Variants in FER observed in about 807,000 individuals in gnomAD.
FER encodes the protein FER tyrosine kinase.
Under a neutral mutation model 111.0 loss-of-function variants are expected in FER, and 63 were observed. The ratio of observed to expected loss-of-function variants is 0.57; its 90% CI spans 0.46 to 0.70. The LOEUF (loss-of-function observed/expected upper bound fraction) is 0.70, where lower values mean the gene tolerates loss of function less well. Ranked by LOEUF, FER falls within the 30% of genes least tolerant of loss-of-function variation. The probability of loss-of-function intolerance (pLI) is 0.00; values close to 1 mark genes in which losing one functional copy is unlikely to be tolerated. For synonymous variants in FER, 327 were observed against 313.9 expected, an observed-to-expected ratio of 1.04 and a Z score of -0.44; for missense variants, 914 against 954.0, an observed-to-expected ratio of 0.96 and a Z score of 0.55.
At chr5:108,863,495 A>AAAATGCTAT (rs1763735537) in intron 5 of FER, among the ~76,000 whole-genome samples, 1 of 152,224 alleles carries the variant, frequency 6.6e-6, no homozygotes, top group Admixed American at 6.5e-5. Flanking sequence ...TTCATGGATA[A>AAAATGCTAT]AAATGCTATT....
At chr5:108,958,376 A>C (rs1450865412) in intron 12 of FER, among the ~76,000 whole-genome samples, 1 of 151,778 alleles carries the variant, frequency 6.6e-6, no homozygotes, top group Non-Finnish European at 1.5e-5. Flanking sequence ...GAGAACTAGC[A>C]GTTGGAAGCT....
intron 5 of FER, among the ~76,000 whole-genome samples, chr5:108,848,601 C>T (rs1762251792): frequency 6.6e-6 from 1 of 151,950 alleles, no homozygotes; most frequent in African/African-American, 2.4e-5. Flanking sequence ...TTCTGTTTCT[C>T]CCTTTCCTGT....
At chr5:108,779,642 A>G (rs1446262999) in intron 2 of FER, among the ~76,000 whole-genome samples, 1 of 152,212 alleles carries the variant, frequency 6.6e-6, no homozygotes, top group Non-Finnish European at 1.5e-5. Context: ...TTAGCCTTGA[A>G]GCCTGCCATT....
intron 5 of FER, 33 bp downstream of exon 5, chr5:108,835,840 G>T: frequency 8.0e-7 from 1 of 1,246,562 alleles, no homozygotes; most frequent in Non-Finnish European, 1.1e-6. Context: ...GTTTACTTAG[G>T]TGATTTTTAT....
At chr5:109,102,393 G>A (rs995370588) in intron 17 of FER, among the ~76,000 whole-genome samples, 42 of 152,012 alleles carry the variant, frequency 2.8e-4, no homozygotes, top group Admixed American at 1.0e-3. Context: ...CAACACTAGC[G>A]CCAACTTTTA....
intron 5 of FER, among the ~76,000 whole-genome samples, chr5:108,843,682 C>G (rs558584818): frequency 1.3e-5 from 2 of 151,926 alleles, no homozygotes; most frequent in African/African-American, 4.8e-5. Flanking sequence ...GTGTGCGCCA[C>G]CAAACCCAGC....
At chr5:108,851,125 C>T (rs1330136318) in intron 5 of FER, among the ~76,000 whole-genome samples, 1 of 152,100 alleles carries the variant, frequency 6.6e-6, no homozygotes, top group Non-Finnish European at 1.5e-5. Flanking sequence ...AGATAATATA[C>T]ATCATTGTAT....
At chr5:108,835,183 C>CGCT (rs1392251031) in intron 4 of FER, among the ~76,000 whole-genome samples, 2 of 96,972 alleles carry the variant, frequency 2.1e-5, no homozygotes, top group Non-Finnish European at 2.1e-5. Context: ...TCGTTTGCGC[C>CGCT]ACCCCCCCCC....
At chr5:108,851,536 A>T (rs1762546407) in intron 5 of FER, among the ~76,000 whole-genome samples, 1 of 152,204 alleles carries the variant, frequency 6.6e-6, no homozygotes, top group South Asian at 2.1e-4. Context: ...TGCGGATGCC[A>T]TGTAGTACTT....
At chr5:109,044,177 C>T (rs1771602712) in intron 14 of FER, among the ~76,000 whole-genome samples, 1 of 141,142 alleles carries the variant, frequency 7.1e-6, no homozygotes, top group African/African-American at 2.7e-5. Flanking sequence ...CACTATAAAT[C>T]AGGCCTTTTT....
At chr5:108,976,004 T>A (rs1761286664) in intron 13 of FER, among the ~76,000 whole-genome samples, 1 of 152,152 alleles carries the variant, frequency 6.6e-6, no homozygotes, top group Non-Finnish European at 1.5e-5. Flanking sequence ...TGGATATGTA[T>A]ATCTGGAATT....
intron 15 of FER, among the ~76,000 whole-genome samples, chr5:109,046,841 A>G (rs1772053794): frequency 6.6e-6 from 1 of 152,118 alleles, no homozygotes; most frequent in South Asian, 2.1e-4. Flanking sequence ...GTTGTATGCA[A>G]ATATTGCACC....
chr5:109,056,149 G>A (rs1015590428), intron 16 of FER, among the ~76,000 whole-genome samples: 3 of 152,162 alleles, frequency 2.0e-5, no homozygotes, highest in African/African-American at 7.2e-5. Flanking sequence ...AGCCATTATG[G>A]CAAACAGTAT....
chr5:108,911,089 C>T (rs916059683), intron 10 of FER, among the ~76,000 whole-genome samples: 1 of 152,146 alleles, frequency 6.6e-6, no homozygotes, highest in African/African-American at 2.4e-5. Context: ...TTCCCACCAA[C>T]AGTGCATAAC....
intron 17 of FER, among the ~76,000 whole-genome samples, chr5:109,119,820 G>C (rs758856043): frequency 6.6e-6 from 1 of 152,042 alleles, no homozygotes; most frequent in African/African-American, 2.4e-5. Context: ...CATTTCAACT[G>C]GGGTAAAATG....
intron 2 of FER, among the ~76,000 whole-genome samples, chr5:108,773,493 A>G (rs1580452061): frequency 2.0e-5 from 3 of 152,166 alleles, no homozygotes; most frequent in Admixed American, 6.5e-5. Context: ...TATGGCTTCC[A>G]ATTCCATCCA....
intron 17 of FER, among the ~76,000 whole-genome samples, chr5:109,131,477 C>T (rs1157071049): frequency 6.6e-6 from 1 of 152,000 alleles, no homozygotes; most frequent in Admixed American, 6.6e-5. Flanking sequence ...ATATAATGAG[C>T]TTTAGCATTA....
At position 108,828,618 on chromosome 5, in the gene FER, T is replaced by A. The variant is rs181820564; in HGVS notation, c.208-4152T>A. 4.7e-4 allele frequency among the ~76,000 whole-genome samples: 72 copies of A among 152,332 alleles called. 1 individual carries two copies. The East Asian group carries it at 0.014, about 29-fold the overall frequency. ...TGTTATTTGCCTATGATTAAACTTT[T>A]CTAAAATTAAAATTCAGGTATTTTT... On this transcript the variant is annotated intron_variant, in intron 3 of 19. Coordinates refer to ENST00000281092, the MANE Select transcript of FER (RefSeq NM_005246.4).
At chr5:108,820,197 G>A in intron 3 of FER, 1 of 985,374 alleles carries the variant, frequency 1.0e-6, no homozygotes, top group African/African-American at 1.7e-5. Context: ...ATCAACAAAG[G>A]AATCTTCTCT....
Sources: allele counts gnomAD v4.1 joint callset (sites outside exome capture counted in the v4.1 genomes callset), GRCh38; gene constraint gnomAD v4.1.1; transcripts MANE v1.5; gene names NCBI Gene and HGNC (gene_info 2026-07-23, HGNC 2026-07-21).